Variants in MACROD2 observed in about 807,000 individuals in gnomAD.
MACROD2 encodes the protein ADP-ribose glycohydrolase MACROD2.
A neutral mutation model predicts 70.4 loss-of-function variants in MACROD2; 36 were observed. The observed-to-expected ratio is 0.51, with a 90% CI of 0.39 to 0.68. The LOEUF (loss-of-function observed/expected upper bound fraction) is 0.68. Ranked by LOEUF, MACROD2 falls within the 30% of genes least tolerant of loss-of-function variation. The pLI is 0.00. For missense variants in MACROD2, 496 were observed against 538.4 expected (o/e 0.92, Z 0.78); for synonymous variants, 172 against 178.8 (o/e 0.96, Z 0.30).
At chr20:14,681,980 C>T (rs1197659073) in intron 4 of MACROD2, among the ~76,000 whole-genome samples, 1 of 152,056 alleles carries the variant, frequency 6.6e-6, no homozygotes, top group Non-Finnish European at 1.5e-5. Flanking sequence ...ATAAGGTTGT[C>T]CTTAGTGCAG....
chr20:14,827,979 C>T (rs2072921370), intron 5 of MACROD2, among the ~76,000 whole-genome samples: 1 of 151,756 alleles, frequency 6.6e-6, no homozygotes, highest in Non-Finnish European at 1.5e-5. Flanking sequence ...CTTTTGTTTT[C>T]CTTCTTTTAA....
intron 5 of MACROD2, among the ~76,000 whole-genome samples, chr20:14,827,433 T>A (rs533006894): frequency 3.0e-4 from 45 of 152,246 alleles, no homozygotes; most frequent in African/African-American, 1.1e-3. Context: ...ACATATGGCA[T>A]GGATGCTTTG....
intron 3 of MACROD2, among the ~76,000 whole-genome samples, chr20:14,197,619 T>A (rs2081443506): frequency 6.6e-6 from 1 of 151,898 alleles, no homozygotes; most frequent in Admixed American, 6.6e-5. Flanking sequence ...ATACAAAAAT[T>A]AGCCGGGTGT....
intron 3 of MACROD2, among the ~76,000 whole-genome samples, chr20:14,364,523 AC>A (rs1600163839): frequency 2.0e-5 from 3 of 152,198 alleles, no homozygotes; most frequent in East Asian, 1.9e-4. Context: ...GTGTTATGCA[AC>A]CACCGCCTCT....
At chr20:14,317,460 C>T (rs2082622607) in intron 3 of MACROD2, among the ~76,000 whole-genome samples, 1 of 151,724 alleles carries the variant, frequency 6.6e-6, no homozygotes, top group African/African-American at 2.4e-5. Flanking sequence ...ACTAAAAACA[C>T]AAAAAATTAG....
intron 6 of MACROD2, among the ~76,000 whole-genome samples, chr20:15,277,408 T>G (rs1163521422): frequency 6.6e-6 from 1 of 152,204 alleles, no homozygotes; most frequent in Non-Finnish European, 1.5e-5. Flanking sequence ...GGTTTTAACC[T>G]TGAATAATGT....
At chr20:15,222,450 G>A (rs2076870382) in intron 5 of MACROD2, among the ~76,000 whole-genome samples, 1 of 152,168 alleles carries the variant, frequency 6.6e-6, no homozygotes, top group Non-Finnish European at 1.5e-5. Context: ...TCTGTTTCAG[G>A]TCATAGATTG....
At chr20:14,775,589 GTC>G (rs1405025512) in intron 5 of MACROD2, among the ~76,000 whole-genome samples, 9 of 152,044 alleles carry the variant, frequency 5.9e-5, no homozygotes, top group Admixed American at 3.3e-4. Context: ...TCACCCCCAT[GTC>G]TCTAACACCT....
intron 3 of MACROD2, among the ~76,000 whole-genome samples, chr20:14,488,228 T>C (rs954797693): frequency 1.3e-5 from 2 of 152,232 alleles, no homozygotes; most frequent in African/African-American, 4.8e-5. Context: ...ACCATAAAAC[T>C]AATAAACATT....
At chr20:14,059,937 CAT>C (rs774991873) in intron 2 of MACROD2, among the ~76,000 whole-genome samples, 12 of 152,222 alleles carry the variant, frequency 7.9e-5, no homozygotes, top group African/African-American at 9.6e-5. Context: ...TAGACCCAGA[CAT>C]GTGTAAATCT....
chr20:14,190,696 ATATTTTTTTTTTTTT>A (rs1157406006), intron 3 of MACROD2, among the ~76,000 whole-genome samples: 3 of 39,876 alleles, frequency 7.5e-5, no homozygotes, highest in African/African-American at 2.1e-4. Context: ...ATATATATAT[ATATTTTTTTTTTTTT>A]TTTTTTTTTT....
chr20:14,673,152 G>T (rs1156781748), intron 4 of MACROD2, among the ~76,000 whole-genome samples: 1 of 152,164 alleles, frequency 6.6e-6, no homozygotes, highest in Non-Finnish European at 1.5e-5. Context: ...ACTTTTAAGG[G>T]TGGGGACTCT....
At chr20:14,842,374 T>A (rs1252149975) in intron 5 of MACROD2, among the ~76,000 whole-genome samples, 1 of 152,086 alleles carries the variant, frequency 6.6e-6, no homozygotes, top group Non-Finnish European at 1.5e-5. Context: ...GTACCTTTTT[T>A]CTGAAGTCTC....
At chr20:15,091,353 C>CA (rs201968187) in intron 5 of MACROD2, among the ~76,000 whole-genome samples, 3,693 of 141,122 alleles carry the variant, frequency 0.026, 138 homozygotes, top group African/African-American at 0.088. Flanking sequence ...TAAAACCAAA[C>CA]AAAAAAAAAA....
At chr20:14,591,995 G>C (rs1057110666) in intron 4 of MACROD2, among the ~76,000 whole-genome samples, 7 of 152,150 alleles carry the variant, frequency 4.6e-5, no homozygotes, top group African/African-American at 1.7e-4. Flanking sequence ...GAAATCATTG[G>C]GCAGAGAGGA....
intron 3 of MACROD2, among the ~76,000 whole-genome samples, chr20:14,449,284 C>T (rs1220314495): frequency 6.6e-6 from 1 of 152,198 alleles, no homozygotes; most frequent in East Asian, 1.9e-4. Context: ...ACTTACTTGG[C>T]ATTGTTTTCA....
chr20:14,338,954 G>A (rs1028758672), intron 3 of MACROD2, among the ~76,000 whole-genome samples: 3 of 152,080 alleles, frequency 2.0e-5, no homozygotes, highest in African/African-American at 4.8e-5. Context: ...CTGGAGGACC[G>A]TTGTCTTAAA....
chr20:14,758,280 T>G (rs573262418), intron 5 of MACROD2, among the ~76,000 whole-genome samples: 1 of 152,244 alleles, frequency 6.6e-6, no homozygotes, highest in African/African-American at 2.4e-5. Context: ...ACTTCAGTAT[T>G]TGTAATGTCA....
chr20:15,297,076 G>A (rs1301530832), intron 6 of MACROD2, among the ~76,000 whole-genome samples: 1 of 152,198 alleles, frequency 6.6e-6, no homozygotes, highest in Admixed American at 6.5e-5. Context: ...GCTTACACAG[G>A]AGAAAGGATC....
Sources: allele counts gnomAD v4.1 joint callset (sites outside exome capture counted in the v4.1 genomes callset), GRCh38; gene constraint gnomAD v4.1.1; transcripts MANE v1.5; gene names NCBI Gene and HGNC (gene_info 2026-07-23, HGNC 2026-07-21).